The following SESN2 variants were observed in gnomAD, a reference collection of about 807,000 sequenced individuals.
SESN2 encodes sestrin 2.
Under a neutral mutation model 56.0 loss-of-function variants are expected in SESN2, and 42 were observed. The ratio of observed to expected loss-of-function variants is 0.75; its 90% CI spans 0.59 to 0.97. The LOEUF is 0.97. Ranked by LOEUF, SESN2 falls within the 50% of genes least tolerant of loss-of-function variation. The pLI, the probability that SESN2 is intolerant of heterozygous loss-of-function variation, is 0.00. For synonymous variants in SESN2, 264 were observed against 267.1 expected, an observed-to-expected ratio of 0.99 and a Z score of 0.11; for missense variants, 507 against 649.4, an observed-to-expected ratio of 0.78 and a Z score of 2.38.
chr1:28,259,556 G>C lies in SESN2; in HGVS notation c.-292G>C, dbSNP rs1339012692. ...CGGCGGGGATGCTGAGGAGCGCTGG[G>C]TCCGGGAGCAGCCCTGGCCCCTGCG... On this transcript the variant is annotated 5_prime_UTR_variant, in exon 1 of 10. Coordinates refer to ENST00000253063, the MANE Select transcript of SESN2 (RefSeq NM_031459.5). 3 of 336,528 alleles carry C rather than the reference G, an allele frequency of 8.9e-6. No individual in the cohort carries two copies. Among genetic ancestry groups the C allele is most frequent in the Admixed American group, 4.9e-5 (1 of 20,550 alleles). The allele number at this position is 336,528 out of a possible 1,614,324, so 20.8% of individuals were successfully genotyped here. A position where few individuals can be genotyped will look rare whatever the true frequency, so the allele number is the denominator to read the frequency against.
In SESN2 at chr1:28,274,783, T is replaced by C. The variant is rs1369977706; in HGVS notation, c.1021-42T>C. ...AGGATGGGGGTCTCTCTGGCTGGTC[T>C]TGGGCTCCAAAGACTCACCAATCCC... On this transcript the variant is annotated intron_variant, in intron 7 of 9. Coordinates refer to ENST00000253063, the MANE Select transcript of SESN2 (RefSeq NM_031459.5). 5 of 1,513,074 alleles carry C rather than the reference T, an allele frequency of 3.3e-6. No individual in the cohort carries two copies. The Admixed American group carries it at 7.1e-5, about 22-fold the overall frequency. The allele number at this position is 1,513,074 out of a possible 1,614,324, so 93.7% of individuals were successfully genotyped here.
At position 28,269,194 on chromosome 1, in the gene SESN2, G is replaced by C. The variant is rs992367666; in HGVS notation, c.102G>C (p.Glu34Asp). Residue 34 changes from glutamate (E) to aspartate (D), a missense_variant, in exon 2 of 10, where the codon GAG becomes GAC. Physicochemically the swap from Glu to Asp is conservative, Grantham distance 45 (BLOSUM62 2). Coordinates refer to ENST00000253063, the MANE Select transcript of SESN2 (RefSeq NM_031459.5). ...GDSGPGEEQR[E>D]SRARRGPRGP... Reference sequence around the variant, plus strand: ...ATGTTTCCTCCCAGGAGCAGAGGGAGAGCCGGGCTCGGCGAGGCCCTCGAG... The same window carrying C: ...ATGTTTCCTCCCAGGAGCAGAGGGACAGCCGGGCTCGGCGAGGCCCTCGAG... 5 of 1,612,818 alleles carry C rather than the reference G, an allele frequency of 3.1e-6. No individual in the cohort carries two copies. Among genetic ancestry groups the C allele is most frequent in the Non-Finnish European group, 4.2e-6 (5 of 1,179,346 alleles).
chr1:28,272,741 C>T lies in SESN2; in HGVS notation c.698C>T (p.Pro233Leu). 1 of 1,612,334 alleles carries T rather than the reference C, an allele frequency of 6.2e-7. No individual in the cohort carries two copies. The highest frequency in any genetic ancestry group is 1.1e-5 in the South Asian group (1 of 90,992). The change falls in exon 5 of 10, where the codon CCC (proline) becomes CTC (leucine). Residue 233 changes from proline (P) to leucine (L), a missense_variant. By Grantham distance (98) the Pro-to-Leu change is moderately conservative (BLOSUM62 -3). Transcript: ENST00000253063. The part of the protein sequence containing the change: ...DGSPAPQAPT[P>L]PSEQSSPPSR... ...AGCCCTGCCCCCCAGGCACCTACAC[C>T]CCCTAGTGAACAGAGCAGCCCCCCA...
intron 3 of SESN2, 91 bp downstream of exon 3, chr1:28,271,962 C>T: frequency 7.9e-7 from 1 of 1,258,112 alleles, no homozygotes; most frequent in Non-Finnish European, 1.1e-6. Flanking sequence ...TGAGCTGATT[C>T]CATAGACAAG....
chr1:28,269,161 A>G, intron 1 of SESN2, 22 bp from the exon 2 acceptor site: 1 of 1,596,702 alleles, frequency 6.3e-7, no homozygotes, highest in East Asian at 2.2e-5. Context: ...ACTACGGACT[A>G]ACCTCATATG....
intron 6 of SESN2, among the ~76,000 whole-genome samples, 178 bp downstream of exon 6, chr1:28,273,686 G>A (rs1356367752): frequency 2.6e-5 from 4 of 152,188 alleles, no homozygotes; most frequent in Non-Finnish European, 4.4e-5. Context: ...TAGCCTTTCC[G>A]GCTGTGCGAC....
intron 1 of SESN2, among the ~76,000 whole-genome samples, chr1:28,260,731 A>G (rs1042482519): frequency 2.3e-5 from 3 of 129,314 alleles, no homozygotes; most frequent in African/African-American, 8.8e-5. Context: ...GCATCCCGGC[A>G]TAGCCCGCAG....
intron 9 of SESN2, among the ~76,000 whole-genome samples, chr1:28,280,239 C>T (rs1334192849): frequency 6.6e-6 from 1 of 152,130 alleles, no homozygotes; most frequent in East Asian, 1.9e-4. Context: ...TGCTGTATTT[C>T]AAGGTTGCTG....
intron 1 of SESN2, among the ~76,000 whole-genome samples, chr1:28,260,294 C>G (rs918932882): frequency 6.6e-6 from 1 of 152,080 alleles, no homozygotes; most frequent in African/African-American, 2.4e-5. Flanking sequence ...GTCTTCAAGT[C>G]CAGGCAAATC....
At chr1:28,266,556 CTTTT>C (rs71586835) in intron 1 of SESN2, among the ~76,000 whole-genome samples, 1 of 116,990 alleles carries the variant, frequency 8.5e-6, no homozygotes, top group African/African-American at 3.2e-5. Context: ...AGAGCCCCAT[CTTTT>C]TTTTTTTTTT....
intron 8 of SESN2, among the ~76,000 whole-genome samples, chr1:28,276,249 CAGG>C (rs1395230791): frequency 2.0e-5 from 3 of 152,094 alleles, no homozygotes; most frequent in Non-Finnish European, 4.4e-5. Context: ...GAGGCTGAAG[CAGG>C]AGGATTACAT....
Position 28,279,190 on chromosome 1 carries a change from C to A in SESN2, c.1305C>A (p.Thr435=). The change falls in exon 9 of 10, where the codon ACC becomes ACA. Residue 435 remains threonine (T), a synonymous_variant. Coordinates refer to ENST00000253063, the MANE Select transcript of SESN2 (RefSeq NM_031459.5). ...IKTVACYPEK[T]TRRMYNLFWR... is the part of the protein sequence containing the mutation. ...CAGTGGCCTGCTACCCAGAGAAGAC[C>A]ACCCGAAGAATGTACAACCTCTTCT... is the stretch of plus-strand genomic sequence containing the variant. 1 of 1,614,174 alleles carries A rather than the reference C, an allele frequency of 6.2e-7. No individual in the cohort carries two copies. Among genetic ancestry groups the A allele is most frequent in the Non-Finnish European group, 8.5e-7 (1 of 1,180,016 alleles).
intron 1 of SESN2, among the ~76,000 whole-genome samples, chr1:28,264,108 A>G (rs1476776256): frequency 2.0e-5 from 3 of 151,118 alleles, no homozygotes; most frequent in Admixed American, 1.3e-4. Flanking sequence ...TCAAACGCCC[A>G]TAATCCCAGC....
rs1648236770 is a variant in SESN2 at position 28,281,449 on chromosome 1, A to T, written c.*647A>T. 7.0e-6 allele frequency: 1 copy of T among 143,798 alleles called. No individual in the cohort carries two copies. The highest frequency in any genetic ancestry group is 2.5e-5 in the African/African-American group (1 of 39,928). 8.9% of individuals were successfully genotyped at this position (143,798 alleles called of 1,614,324 possible). On this transcript the variant is annotated 3_prime_UTR_variant, in exon 10 of 10. Transcript: ENST00000253063. ...AGGCGTCAGGAGAGAGGCCAAGTAC[A>T]TAAAAAAAAAAAAAGCAGATTATCT...
intron 1 of SESN2, among the ~76,000 whole-genome samples, chr1:28,265,794 G>C (rs191253359): frequency 6.6e-6 from 1 of 151,902 alleles, no homozygotes; most frequent in Non-Finnish European, 1.5e-5. Flanking sequence ...CCAAAGTACC[G>C]GGGTTACAGG....
In SESN2 at chr1:28,273,968, G is replaced by C. The variant is rs1647918561; in HGVS notation, c.902-72G>C. The stretch of plus-strand genomic sequence containing the variant: ...TATTCTGCCTTCCCCTCCCCCTTTT[G>C]GTGATTAATCAGGAATGGACCCCTG... On this transcript the variant is annotated intron_variant, in intron 6 of 9. Coordinates refer to ENST00000253063, the MANE Select transcript of SESN2 (RefSeq NM_031459.5). The C allele has an allele frequency of 3.0e-6, 3 of 995,542 alleles. No individual in the cohort carries two copies. The East Asian group carries it at 7.2e-5, about 24-fold the overall frequency. The allele number at this position is 995,542 out of a possible 1,614,324, so 61.7% of individuals were successfully genotyped here.
In SESN2 at chr1:28,281,876, C is replaced by T. The variant is rs1648256677; in HGVS notation, c.*1074C>T. 1 of 152,206 alleles carries T rather than the reference C, an allele frequency of 6.6e-6. No individual in the cohort carries two copies. The highest frequency in any genetic ancestry group is 1.5e-5 in the Non-Finnish European group (1 of 68,058). The allele number at this position is 152,206 out of a possible 1,614,324, so 9.4% of individuals were successfully genotyped here. ...GACTGAGAGGGTGGGTCTGAGTCCC[C>T]ACAATGTCTGAAGCTGCCCCTGGGA... On this transcript the variant is annotated 3_prime_UTR_variant, in exon 10 of 10. Coordinates refer to ENST00000253063, the MANE Select transcript of SESN2 (RefSeq NM_031459.5).
chr1:28,269,253 G>A lies in SESN2; in HGVS notation c.156+5G>A. The stretch of plus-strand genomic sequence containing the variant: ...GCCTTCATCCCCGTGGAGGAGGTAA[G>A]CTTGGAAGGGGTTAGGGATCTTTGG... On this transcript the variant is annotated splice_donor_5th_base_variant and intron_variant, in intron 2 of 9. Transcript: ENST00000253063. 6.2e-7 allele frequency: 1 copy of A among 1,608,878 alleles called. No individual in the cohort carries two copies. The highest frequency in any genetic ancestry group is 1.1e-5 in the South Asian group (1 of 90,448).
chr1:28,282,364 A>G lies in SESN2; in HGVS notation c.*1562A>G, dbSNP rs1401499314. 6.6e-6 allele frequency: 1 copy of G among 152,252 alleles called. No individual in the cohort carries two copies. The highest frequency in any genetic ancestry group is 2.4e-5 in the African/African-American group (1 of 41,452). The allele number at this position is 152,252 out of a possible 1,614,324, so 9.4% of individuals were successfully genotyped here. On this transcript the variant is annotated 3_prime_UTR_variant, in exon 10 of 10. Transcript: ENST00000253063. The stretch of plus-strand genomic sequence containing the variant: ...CATGGGGATCTGGGTTCTAGAGGGC[A>G]TGTGATGACTGTAAATGTTCACTGG...
Sources: gnomAD v4.1 joint callset for allele counts (sites outside exome capture counted in the v4.1 genomes callset) on GRCh38, gnomAD v4.1.1 for gene constraint, MANE v1.5 for transcripts, NCBI Gene and HGNC (gene_info 2026-07-23, HGNC 2026-07-21) for gene names.